The following DST variants were observed in gnomAD, a reference collection of about 807,000 sequenced individuals.
DST encodes dystonin.
DST carries 253 observed loss-of-function variants against 875.2 expected under a neutral mutation model. That is an observed-to-expected ratio of 0.29 (90% CI 0.26 to 0.32). The LOEUF (loss-of-function observed/expected upper bound fraction) is 0.32. Ranked by LOEUF, DST falls within the 10% of genes least tolerant of loss-of-function variation. The pLI is 1.00. For synonymous variants in DST, 3,124 were observed against 3,197.1 expected, an observed-to-expected ratio of 0.98 and a Z score of 0.77; for missense variants, 8,287 against 9,111.6, an observed-to-expected ratio of 0.91 and a Z score of 3.68.
At chr6:56,575,576 T>C (rs1479344524) in intron 50 of DST, among the ~76,000 whole-genome samples, 4 of 152,146 alleles carry the variant, frequency 2.6e-5, no homozygotes, top group Non-Finnish European at 2.9e-5. Flanking sequence ...TAGTTTGCTA[T>C]AGACTAAATG....
rs188035686 is a variant in DST at position 56,502,814 on chromosome 6, A to G, written c.19567-1121T>C. Among the ~76,000 whole-genome samples, 32 of 152,290 alleles carry G rather than the reference A, an allele frequency of 2.1e-4. 1 individual carries two copies. The highest frequency in any genetic ancestry group is 7.2e-4 in the African/African-American group (30 of 41,596). On this transcript the variant is annotated intron_variant, in intron 78 of 103. Transcript: ENST00000680361. ...GAAATATTCTATGTCACACTTAGAT[A>G]TGAAAATGCTACAATTTTAAAGCCA...
At chr6:56,944,600 TAAG>T (rs1464405194) in intron 2 of DST, among the ~76,000 whole-genome samples, 2 of 152,198 alleles carry the variant, frequency 1.3e-5, no homozygotes, top group African/African-American at 4.8e-5. Context: ...TGAAGAATTA[TAAG>T]AAGTGTGGAC....
chr6:56,737,921 A>C (rs1327222963), intron 4 of DST, among the ~76,000 whole-genome samples: 2 of 152,230 alleles, frequency 1.3e-5, no homozygotes, highest in African/African-American at 4.8e-5. Context: ...AAAAAACACA[A>C]ATGTTCGAGA....
At chr6:56,721,028 T>C (rs542190887) in intron 5 of DST, among the ~76,000 whole-genome samples, 2 of 145,112 alleles carry the variant, frequency 1.4e-5, no homozygotes, top group East Asian at 2.1e-4. Context: ...GGCAGCCCCC[T>C]CCGCCTCCCA....
At chr6:56,672,708 A>C (rs2099107980) in intron 9 of DST, among the ~76,000 whole-genome samples, 1 of 152,020 alleles carries the variant, frequency 6.6e-6, no homozygotes, top group Non-Finnish European at 1.5e-5. Context: ...TGTTGTGAGA[A>C]TTCAACAACA....
chr6:56,679,594 C>T (rs2099147040), intron 9 of DST, among the ~76,000 whole-genome samples: 1 of 134,554 alleles, frequency 7.4e-6, no homozygotes, highest in Non-Finnish European at 1.5e-5. Flanking sequence ...AAGACTATGT[C>T]TCATTAAAAA....
At chr6:56,863,014 A>G (rs962512453) in intron 3 of DST, 2 of 152,240 alleles carry the variant, frequency 1.3e-5, no homozygotes, top group Non-Finnish European at 2.9e-5. Context: ...CTGGTTTAAG[A>G]TACAAGGCTG....
At chr6:56,545,371 C>A (rs2097206137) in intron 61 of DST, among the ~76,000 whole-genome samples, 1 of 151,702 alleles carries the variant, frequency 6.6e-6, no homozygotes, top group Non-Finnish European at 1.5e-5. Context: ...AAATAGCCAA[C>A]ACTATTATTT....
In DST at chr6:56,780,316, G is replaced by A. The variant is rs201102497; in HGVS notation, c.626-45027C>T. ...GAATCGCCACACTGTCTTCCACAACGGTTGAACTAGTTTACAGTCCCACCA... is the reference window on the plus strand; with the variant it reads ...GAATCGCCACACTGTCTTCCACAACAGTTGAACTAGTTTACAGTCCCACCA... On this transcript the variant is annotated intron_variant, in intron 4 of 103. Transcript: ENST00000680361. Among the ~76,000 whole-genome samples, 134 of 151,982 alleles carry A rather than the reference G, an allele frequency of 8.8e-4. 1 individual carries two copies. Among genetic ancestry groups the A allele is most frequent in the East Asian group, 4.8e-3 (25 of 5,164 alleles).
chr6:56,796,542 G>C (rs537539736), intron 4 of DST, among the ~76,000 whole-genome samples: 2 of 152,250 alleles, frequency 1.3e-5, no homozygotes, highest in East Asian at 3.9e-4. Context: ...TTGTTATCTA[G>C]TGATATGATT....
intron 5 of DST, among the ~76,000 whole-genome samples, chr6:56,715,709 A>T (rs2099392291): frequency 6.6e-6 from 1 of 152,218 alleles, no homozygotes; most frequent in African/African-American, 2.4e-5. Flanking sequence ...TATTCTTCTC[A>T]GGGCAGCTCA....
At chr6:56,942,672 G>C (rs1174469046) in intron 2 of DST, among the ~76,000 whole-genome samples, 1 of 124,284 alleles carries the variant, frequency 8.0e-6, no homozygotes, top group Non-Finnish European at 1.7e-5. Context: ...GTTATAATTT[G>C]TGCTTTATAT....
At chr6:56,758,111 C>T (rs1178455909) in intron 4 of DST, among the ~76,000 whole-genome samples, 6 of 152,182 alleles carry the variant, frequency 3.9e-5, no homozygotes, top group Admixed American at 3.9e-4. Flanking sequence ...AACTTTTCCC[C>T]ATATCCTTGT....
chr6:56,524,528 T>C lies in DST; in HGVS notation c.18129+1833A>G, dbSNP rs151213198. 4.2e-3 allele frequency among the ~76,000 whole-genome samples: 638 copies of C among 152,252 alleles called. 3 individuals carry two copies. The highest frequency in any genetic ancestry group is 0.014 in the African/African-American group (599 of 41,562). ...TAAATTTTAGTTGCTACTCTGCCAC[T>C]TACTGCTTGTGAGACCACATGCAAG... On this transcript the variant is annotated intron_variant, in intron 69 of 103. Coordinates refer to ENST00000680361, the MANE Select transcript of DST (RefSeq NM_001374736.1).
At chr6:56,532,598 A>T in intron 63 of DST, 88 bp from the exon 64 acceptor site, 1 of 1,269,424 alleles carries the variant, frequency 7.9e-7, no homozygotes. Flanking sequence ...TTGAAGTATG[A>T]CAAAAATGTA....
rs376218085 is a variant in DST at position 56,608,422 on chromosome 6, T to C, written c.6206A>G (p.Tyr2069Cys). The stretch of plus-strand genomic sequence containing the variant: ...AGAATGGGGCCAAATGAGTCCAACA[T>C]AGCCTCGCTGAGCTTCCAGGACCAG... ...ALLVLEAQRG[Y>C]VGLIWPHSGE... The change falls in exon 40 of 104, where the codon TAT (tyrosine) becomes TGT (cysteine). Residue 2069 changes from tyrosine to cysteine, a missense_variant. Transcript: ENST00000680361. 5.0e-6 allele frequency: 8 copies of C among 1,613,748 alleles called. No homozygotes were observed. The Admixed American group carries it at 8.3e-5, about 17-fold the overall frequency.
intron 4 of DST, among the ~76,000 whole-genome samples, chr6:56,795,637 C>A (rs529531859): frequency 5.9e-5 from 9 of 152,180 alleles, no homozygotes; most frequent in African/African-American, 2.2e-4. Flanking sequence ...CACTCCAGAC[C>A]AATTACTTCA....
intron 28 of DST, among the ~76,000 whole-genome samples, chr6:56,632,339 A>G (rs1337877579): frequency 1.3e-5 from 2 of 152,178 alleles, no homozygotes; most frequent in East Asian, 1.9e-4. Context: ...AGCTGCAAAA[A>G]TTAATTACAA....
At chr6:56,520,572 T>C (rs909011391) in intron 69 of DST, among the ~76,000 whole-genome samples, 4 of 151,772 alleles carry the variant, frequency 2.6e-5, no homozygotes, top group African/African-American at 7.3e-5. Context: ...GGGATCTCTC[T>C]GTATTGTTTC....
Sources: allele counts gnomAD v4.1 joint callset (sites outside exome capture counted in the v4.1 genomes callset), GRCh38; gene constraint gnomAD v4.1.1; transcripts MANE v1.5; gene names NCBI Gene and HGNC (gene_info 2026-07-23, HGNC 2026-07-21).